The following OPCML variants were observed in gnomAD, a reference collection of about 807,000 sequenced individuals.
OPCML encodes the protein opioid-binding protein/cell adhesion molecule.
A neutral mutation model predicts 37.8 loss-of-function variants in OPCML; 13 were observed. The observed-to-expected ratio is 0.34, with a 90% CI of 0.22 to 0.55. The LOEUF (loss-of-function observed/expected upper bound fraction) is 0.55. Ranked by LOEUF, OPCML falls within the 20% of genes least tolerant of loss-of-function variation. The pLI, the probability that OPCML is intolerant of heterozygous loss-of-function variation, is 0.91. For missense variants in OPCML, 341 were observed against 435.6 expected (o/e 0.78, Z 1.93); for synonymous variants, 176 against 168.8 (o/e 1.04, Z -0.33).
intron 2 of OPCML, among the ~76,000 whole-genome samples, chr11:132,812,902 T>A (rs1254179173): frequency 1.3e-5 from 2 of 152,186 alleles, no homozygotes; most frequent in Non-Finnish European, 2.9e-5. Flanking sequence ...CAAAAAATAT[T>A]CATTGAAAGC....
chr11:133,381,742 C>T (rs1440965560), intron 1 of OPCML, among the ~76,000 whole-genome samples: 1 of 152,216 alleles, frequency 6.6e-6, no homozygotes, highest in Non-Finnish European at 1.5e-5. Flanking sequence ...ATCTATGATT[C>T]CAGGGTGGCT....
rs375434154 is a variant in OPCML at position 133,140,907 on chromosome 11, C to T, written c.62-197897G>A. Reference sequence around the variant, plus strand: ...ACGACGACGACGAAGACGACGACGACGAAGAAGAAGAAGACGACGACGACG... The same window carrying T: ...ACGACGACGACGAAGACGACGACGATGAAGAAGAAGAAGACGACGACGACG... On this transcript the variant is annotated intron_variant, in intron 1 of 7. Transcript: ENST00000524381. Among the ~76,000 whole-genome samples the T allele has an allele frequency of 4.1e-4, 2 of 4,832 alleles. 1 individual carries two copies. Among genetic ancestry groups the T allele is most frequent in the African/African-American group, 5.6e-4 (2 of 3,546 alleles). 3.2% of individuals were successfully genotyped at this position (4,832 alleles called of 152,430 possible).
chr11:132,528,972 T>C, intron 4 of OPCML, 89 bp downstream of exon 4: 1 of 699,096 alleles, frequency 1.4e-6, no homozygotes, highest in Admixed American at 2.6e-5. Flanking sequence ...GATTACAAAA[T>C]GTTTTCTGAT....
chr11:133,121,682 A>G, intron 1 of OPCML, among the ~76,000 whole-genome samples: 1 of 152,340 alleles, frequency 6.6e-6, no homozygotes, highest in African/African-American at 2.4e-5. Flanking sequence ...TTACATTCTC[A>G]TAAATATTTT....
chr11:133,333,442 T>C (rs904939851), intron 1 of OPCML, among the ~76,000 whole-genome samples: 1 of 152,048 alleles, frequency 6.6e-6, no homozygotes, highest in African/African-American at 2.4e-5. Context: ...GCTAGCCATA[T>C]GCAGAAGATT....
intron 1 of OPCML, among the ~76,000 whole-genome samples, chr11:133,292,544 T>C (rs1199163165): frequency 6.6e-6 from 1 of 152,166 alleles, no homozygotes; most frequent in African/African-American, 2.4e-5. Flanking sequence ...TGAAGTAGAA[T>C]GTTACCAGCC....
intron 2 of OPCML, among the ~76,000 whole-genome samples, chr11:132,832,596 G>GA (rs1292133701): frequency 2.6e-5 from 4 of 152,170 alleles, no homozygotes; most frequent in South Asian, 2.1e-4. Flanking sequence ...ACAAAAACGT[G>GA]AAAAAAATGA....
chr11:132,916,061 T>G (rs1479359841), intron 2 of OPCML, among the ~76,000 whole-genome samples: 1 of 152,232 alleles, frequency 6.6e-6, no homozygotes, highest in African/African-American at 2.4e-5. Context: ...GTAAAATTCT[T>G]TATTTTTCTG....
intron 7 of OPCML, among the ~76,000 whole-genome samples, chr11:132,421,222 G>A (rs1307328425): frequency 1.3e-5 from 2 of 152,158 alleles, no homozygotes; most frequent in Non-Finnish European, 2.9e-5. Context: ...TGGTACGCAA[G>A]ACTAGGAGCC....
intron 3 of OPCML, among the ~76,000 whole-genome samples, chr11:132,617,967 C>T (rs917623359): frequency 6.6e-6 from 1 of 152,146 alleles, no homozygotes; most frequent in African/African-American, 2.4e-5. Context: ...TAACAGGTAC[C>T]AAGTAAGATA....
chr11:132,579,344 C>G (rs1425504082), intron 3 of OPCML, among the ~76,000 whole-genome samples: 1 of 151,346 alleles, frequency 6.6e-6, no homozygotes, highest in African/African-American at 2.4e-5. Context: ...GTCAAGGAGA[C>G]AGGCCTGTCA....
At chr11:133,009,170 A>G (rs1371098741) in intron 1 of OPCML, 3 of 985,254 alleles carry the variant, frequency 3.0e-6, no homozygotes, top group Non-Finnish European at 3.6e-6. Flanking sequence ...TTGTCCTTTC[A>G]AGAAAAATAC....
At chr11:133,148,961 T>C (rs1435046280) in intron 1 of OPCML, among the ~76,000 whole-genome samples, 1 of 152,120 alleles carries the variant, frequency 6.6e-6, no homozygotes, top group Admixed American at 6.5e-5. Flanking sequence ...CATTCAGTCT[T>C]GAGAAGGAGA....
chr11:132,936,393 T>C (rs1945374727), intron 2 of OPCML, among the ~76,000 whole-genome samples: 1 of 152,194 alleles, frequency 6.6e-6, no homozygotes, highest in Admixed American at 6.5e-5. Context: ...TTTCTAAACC[T>C]GGACCCGTAG....
In OPCML at chr11:132,750,190, G is replaced by A. The variant is rs142086047; in HGVS notation, c.147-92871C>T. On this transcript the variant is annotated intron_variant, in intron 2 of 7. Transcript: ENST00000524381. ...AGAAGTCATCAGTGTCATTGTTAAG[G>A]GAATTTTGGTAAAATAATAGATATG... Among the ~76,000 whole-genome samples, 935 of 152,180 alleles carry A rather than the reference G, an allele frequency of 6.1e-3. 7 individuals are homozygous for A. The highest frequency in any genetic ancestry group is 0.021 in the African/African-American group (878 of 41,526).
intron 1 of OPCML, 180 bp downstream of exon 1, chr11:133,532,084 T>G (rs1948617839): frequency 6.8e-6 from 4 of 590,302 alleles, no homozygotes. Context: ...TCTGCGCGCG[T>G]GTGAGCGAGT....
chr11:132,437,531 A>G (rs2096017369), intron 4 of OPCML, 172 bp from the exon 5 acceptor site: 6 of 957,386 alleles, frequency 6.3e-6, no homozygotes, highest in Non-Finnish European at 7.5e-6. Context: ...CGGCAAAGGA[A>G]GAAAGAAATT....
chr11:132,971,768 A>C (rs1167441903), intron 1 of OPCML, among the ~76,000 whole-genome samples: 1 of 151,160 alleles, frequency 6.6e-6, no homozygotes, highest in Non-Finnish European at 1.5e-5. Context: ...CCTCTTCTTT[A>C]CTCTCTTTCC....
At chr11:133,051,807 G>A (rs1005293526) in intron 1 of OPCML, among the ~76,000 whole-genome samples, 3 of 152,154 alleles carry the variant, frequency 2.0e-5, no homozygotes, top group Non-Finnish European at 4.4e-5. Flanking sequence ...AGGATTCTGT[G>A]GTGTTCCTCT....
Sources: allele counts gnomAD v4.1 joint callset (sites outside exome capture counted in the v4.1 genomes callset), GRCh38; gene constraint gnomAD v4.1.1; transcripts MANE v1.5; gene names NCBI Gene and HGNC (gene_info 2026-07-23, HGNC 2026-07-21).